The following LIPC variants were observed in gnomAD, a reference collection of about 807,000 sequenced individuals.
The protein encoded by LIPC is lipase C, hepatic type.
A neutral mutation model predicts 50.7 loss-of-function variants in LIPC; 44 were observed. That is an observed-to-expected ratio of 0.87 (90% confidence interval 0.68 to 1.11). The LOEUF is 1.11. Ranked by LOEUF, LIPC falls within the 50% of genes most tolerant of loss-of-function variation. LIPC has a pLI of 0.00. For synonymous variants in LIPC, 271 were observed against 256.4 expected (o/e 1.06, Z -0.54); for missense variants, 697 against 648.2 (o/e 1.08, Z -0.82).
chr15:58,552,687 G>C (rs1333336440), intron 6 of LIPC, among the ~76,000 whole-genome samples: 2 of 152,224 alleles, frequency 1.3e-5, no homozygotes, highest in Non-Finnish European at 2.9e-5. Context: ...CAGTCGGTCT[G>C]TTTTTGGCTT....
Position 58,452,377 on chromosome 15 carries a change from C to T in LIPC, c.88+20257C>T, listed in dbSNP as rs142606327. Among the ~76,000 whole-genome samples the T allele has an allele frequency of 3.3e-3, 502 of 152,284 alleles. 3 individuals carry two copies. Among genetic ancestry groups the T allele is most frequent in the African/African-American group, 0.012 (482 of 41,556 alleles). On this transcript the variant is annotated intron_variant, in intron 1 of 8. Coordinates refer to ENST00000299022, the MANE Select transcript of LIPC (RefSeq NM_000236.3). ...AATCCATCAAGTTCAAAGGGACCACCTACTATAAAAACTAAGGCTTATGTT... is the reference window on the plus strand; with the variant it reads ...AATCCATCAAGTTCAAAGGGACCACTTACTATAAAAACTAAGGCTTATGTT...
rs374995429 is a variant in LIPC at position 58,496,130 on chromosome 15, G to A, written c.89-42203G>A. Among the ~76,000 whole-genome samples the A allele has an allele frequency of 4.5e-3, 688 of 152,230 alleles. 2 individuals carry two copies. Among genetic ancestry groups the A allele is most frequent in the African/African-American group, 0.015 (620 of 41,544 alleles). On this transcript the variant is annotated intron_variant, in intron 1 of 8. Coordinates refer to ENST00000299022, the MANE Select transcript of LIPC (RefSeq NM_000236.3). ...AGTGGTTCTCAGTGGTTCTCAACTG[G>A]GATGGTTTCGCTCCCTCACCCCATG...
intron 4 of LIPC, among the ~76,000 whole-genome samples, chr15:58,544,391 C>CTTTTTTTT (rs572161614): frequency 1.8e-5 from 2 of 110,272 alleles, no homozygotes; most frequent in Non-Finnish European, 3.7e-5. Flanking sequence ...TTCTTTTTCT[C>CTTTTTTTT]TTTCTTTTTT....
chr15:58,447,566 G>C (rs373979316), intron 1 of LIPC, among the ~76,000 whole-genome samples: 3 of 152,204 alleles, frequency 2.0e-5, no homozygotes, highest in East Asian at 1.9e-4. Flanking sequence ...TTTCTTGCAT[G>C]TGTCACTTCA....
At chr15:58,518,711 C>G (rs1344666821) in intron 1 of LIPC, among the ~76,000 whole-genome samples, 1 of 152,076 alleles carries the variant, frequency 6.6e-6, no homozygotes, top group Non-Finnish European at 1.5e-5. Flanking sequence ...AGAGCCAGGC[C>G]CAAAAGAGCA....
At chr15:58,436,962 C>A (rs1226933875) in intron 1 of LIPC, 2 of 427,944 alleles carry the variant, frequency 4.7e-6, no homozygotes, top group African/African-American at 4.1e-5. Flanking sequence ...GATAGCAACA[C>A]TTGTTAAACT....
intron 1 of LIPC, among the ~76,000 whole-genome samples, chr15:58,535,573 T>C (rs900847039): frequency 1.3e-5 from 2 of 152,152 alleles, no homozygotes; most frequent in South Asian, 4.1e-4. Flanking sequence ...AGAGTAAATA[T>C]ACACAAGACA....
rs140585049 is a variant in LIPC at position 58,546,048 on chromosome 15, C to G, written c.808+73C>G. ...GGCCTCTGGAATTCAGCGGAATCTA[C>G]CAACATACGGGACTCAGGGAAGAGT... On this transcript the variant is annotated intron_variant, in intron 5 of 8. Coordinates refer to ENST00000299022, the MANE Select transcript of LIPC (RefSeq NM_000236.3). The G allele has an allele frequency of 2.1e-3, 2,685 of 1,267,660 alleles. 46 individuals are homozygous for G. In the African/African-American group the frequency reaches 0.034, roughly 16 times the overall value. 78.5% of individuals were successfully genotyped at this position (1,267,660 alleles called of 1,614,324 possible). A position where few individuals can be genotyped will look rare whatever the true frequency, so the allele number is the denominator to read the frequency against.
intron 4 of LIPC, among the ~76,000 whole-genome samples, chr15:58,543,316 A>C (rs1402828617): frequency 2.0e-5 from 3 of 151,516 alleles, no homozygotes; most frequent in Admixed American, 6.6e-5. Context: ...CTGATACCAC[A>C]GGTATAAAAC....
At chr15:58,483,938 A>G (rs896500149) in intron 1 of LIPC, among the ~76,000 whole-genome samples, 1 of 152,052 alleles carries the variant, frequency 6.6e-6, no homozygotes, top group Admixed American at 6.5e-5. Context: ...TTACTTCTTG[A>G]GGTTTATTGT....
At chr15:58,501,964 T>A (rs1891999436) in intron 1 of LIPC, among the ~76,000 whole-genome samples, 1 of 152,036 alleles carries the variant, frequency 6.6e-6, no homozygotes, top group South Asian at 2.1e-4. Flanking sequence ...GGAGTGAAAT[T>A]CCAGCTCACC....
chr15:58,454,363 C>T (rs1364442950), intron 1 of LIPC: 1 of 152,252 alleles, frequency 6.6e-6, no homozygotes, highest in East Asian at 1.9e-4. Flanking sequence ...TCTTAGGTTC[C>T]CCTGGAACCC....
At chr15:58,494,988 G>A (rs976428807) in intron 1 of LIPC, 30 of 415,094 alleles carry the variant, frequency 7.2e-5, no homozygotes, top group Non-Finnish European at 1.2e-4. Flanking sequence ...AACATCAACC[G>A]TTCCACCGGT....
At chr15:58,484,468 G>A (rs1891296564) in intron 1 of LIPC, among the ~76,000 whole-genome samples, 1 of 152,244 alleles carries the variant, frequency 6.6e-6, no homozygotes, top group African/African-American at 2.4e-5. Flanking sequence ...CGTCACAAAT[G>A]CTTCTACAGC....
intron 1 of LIPC, among the ~76,000 whole-genome samples, chr15:58,494,070 G>T (rs1279174914): frequency 6.6e-6 from 1 of 152,220 alleles, no homozygotes; most frequent in Non-Finnish European, 1.5e-5. Flanking sequence ...GCAGGCCCCA[G>T]ATCCCTGCAG....
chr15:58,468,772 G>A (rs1364246515), intron 1 of LIPC, among the ~76,000 whole-genome samples: 4 of 152,144 alleles, frequency 2.6e-5, no homozygotes, highest in African/African-American at 9.7e-5. Context: ...GAACTACAGA[G>A]CTGCCACCCA....
chr15:58,563,221 C>T (rs1239981197), intron 7 of LIPC, among the ~76,000 whole-genome samples: 1 of 152,180 alleles, frequency 6.6e-6, no homozygotes, highest in African/African-American at 2.4e-5. Flanking sequence ...AGAAGCTAAG[C>T]TAGAGAAAGT....
intron 5 of LIPC, among the ~76,000 whole-genome samples, chr15:58,547,632 TAAA>T (rs60995762): frequency 3.5e-5 from 5 of 141,030 alleles, no homozygotes; most frequent in South Asian, 2.2e-4. Flanking sequence ...TTTGGAGAGT[TAAA>T]AAAAAAAAAA....
In LIPC at chr15:58,568,814, G is replaced by T; in HGVS notation, c.1487G>T (p.Arg496Leu). The T allele has an allele frequency of 6.3e-7, 1 of 1,590,986 alleles. No individual in the cohort carries two copies. Among genetic ancestry groups the T allele is most frequent in the Non-Finnish European group, 8.6e-7 (1 of 1,161,230 alleles). ...GAAATAAAGTCTAAAACATCAAAGC[G>T]AAAGATCAGATGAGATTTAATGAAG... ...KCEIKSKTSK[R>L]KIR is the part of the protein sequence containing the mutation. Residue 496 changes from arginine to leucine, a missense_variant, in exon 9 of 9, where the codon CGA becomes CTA. Arg to Leu is a moderately radical substitution (Grantham distance 102). Transcript: ENST00000299022.
Sources: allele counts gnomAD v4.1 joint callset (sites outside exome capture counted in the v4.1 genomes callset), GRCh38; gene constraint gnomAD v4.1.1; transcripts MANE v1.5; gene names NCBI Gene and HGNC (gene_info 2026-07-23, HGNC 2026-07-21).